SANBR: variants seen among roughly 807,000 people sequenced by gnomAD.
The protein encoded by SANBR is SANT and BTB domain regulator of CSR.
In SANBR, 77 loss-of-function variants were observed where a neutral mutation model predicts 101.8. The observed-to-expected ratio is 0.76, with a 90% CI of 0.63 to 0.91. The LOEUF (loss-of-function observed/expected upper bound fraction) is 0.91. Among genes scored for constraint, SANBR ranks in the 40% least tolerant of loss-of-function variants. The probability of loss-of-function intolerance (pLI) is 0.00; values close to 1 mark genes in which losing one functional copy is unlikely to be tolerated. For synonymous variants in SANBR, 279 were observed against 274.7 expected, an observed-to-expected ratio of 1.02 and a Z score of -0.15; for missense variants, 875 against 853.0, an observed-to-expected ratio of 1.03 and a Z score of -0.32.
chr2:61,124,061 T>C lies in SANBR; in HGVS notation c.*1899T>C. On this transcript the variant is annotated 3_prime_UTR_variant, in exon 22 of 22. Transcript: ENST00000402291. ...GTGAGCTGAGATCATGTTTCTGCGC[T>C]CCTAGCCTGGGTGACAGAGCAAGAC... 1.6e-5 allele frequency: 12 copies of C among 763,888 alleles called. No homozygotes were observed. The highest frequency in any genetic ancestry group is 1.9e-5 in the Non-Finnish European group (12 of 627,956). The allele number at this position is 763,888 out of a possible 1,614,324, so 47.3% of individuals were successfully genotyped here. A position where few individuals can be genotyped will look rare whatever the true frequency, so the allele number is the denominator to read the frequency against.
intron 6 of SANBR, among the ~76,000 whole-genome samples, chr2:61,079,326 T>G (rs1681963176): frequency 6.6e-6 from 1 of 152,184 alleles, no homozygotes; most frequent in Non-Finnish European, 1.5e-5. Context: ...AATTACTGAG[T>G]AATATTTCAA....
At chr2:61,109,431 C>T in intron 16 of SANBR, 135 bp downstream of exon 16, 1 of 455,052 alleles carries the variant, frequency 2.2e-6, no homozygotes, top group Non-Finnish European at 4.0e-6. Flanking sequence ...TGAAAGGAGA[C>T]ACCATCAAGA....
intron 20 of SANBR, among the ~76,000 whole-genome samples, chr2:61,119,069 G>A (rs960928638): frequency 2.0e-5 from 3 of 152,154 alleles, no homozygotes; most frequent in African/African-American, 7.2e-5. Context: ...CTGTCTGAAA[G>A]TACCAATTTT....
At position 61,097,819 on chromosome 2, in the gene SANBR, G is replaced by A; in HGVS notation, c.1332G>A (p.Lys444=). 1 of 1,613,054 alleles carries A rather than the reference G, an allele frequency of 6.2e-7. No individual in the cohort carries two copies. The change falls in exon 12 of 22, where the codon AAG becomes AAA. Residue 444 remains lysine, a synonymous_variant. Coordinates refer to ENST00000402291, the MANE Select transcript of SANBR (RefSeq NM_001129993.3). ...GAATTTATCCCTGCTGTAACCAAAAGGTTCTTCGGTTTGATCCTACTCAGC... is the reference window on the plus strand; with the variant it reads ...GAATTTATCCCTGCTGTAACCAAAAAGTTCTTCGGTTTGATCCTACTCAGC... ...GTGIYPCCNQ[K]VLRFDPTQLT...
intron 20 of SANBR, among the ~76,000 whole-genome samples, chr2:61,132,976 G>A (rs566228639): frequency 2.0e-5 from 3 of 152,312 alleles, no homozygotes; most frequent in African/African-American, 4.8e-5. Context: ...GACTGGCCAG[G>A]TGCAGTGGCT....
chr2:61,079,032 C>T (rs1681946053), intron 6 of SANBR, among the ~76,000 whole-genome samples: 1 of 150,708 alleles, frequency 6.6e-6, no homozygotes, highest in African/African-American at 2.4e-5. Flanking sequence ...GAGTGAGACC[C>T]TTTCTAAAAA....
At position 61,076,184 on chromosome 2, in the gene SANBR, G is replaced by A. The variant is rs956019996; in HGVS notation, c.432-736G>A. 4.6e-5 allele frequency among the ~76,000 whole-genome samples: 7 copies of A among 151,050 alleles called. No individual in the cohort carries two copies. In the South Asian group the frequency reaches 8.4e-4, roughly 18 times the overall value. ...AATTTTTTGTATTTTCAGTAGAGAC[G>A]GGGTTTCACCATGTTAGCCAAGATG... On this transcript the variant is annotated intron_variant, in intron 5 of 21. Transcript: ENST00000402291.
chr2:61,090,165 T>C (rs898578409), intron 10 of SANBR, among the ~76,000 whole-genome samples: 1 of 152,162 alleles, frequency 6.6e-6, no homozygotes, highest in African/African-American at 2.4e-5. Flanking sequence ...AGTACATAGA[T>C]ACATAAAAGT....
intron 11 of SANBR, among the ~76,000 whole-genome samples, chr2:61,095,639 C>T (rs934032225): frequency 3.9e-5 from 6 of 152,138 alleles, no homozygotes; most frequent in Non-Finnish European, 5.9e-5. Flanking sequence ...AACCTGTTCT[C>T]GCTCAGAGTC....
In SANBR at chr2:61,096,175, T is replaced by C. The variant is rs142211907; in HGVS notation, c.1213-1525T>C. Among the ~76,000 whole-genome samples the C allele has an allele frequency of 2.3e-3, 348 of 152,246 alleles. 3 individuals carry two copies. Among genetic ancestry groups the C allele is most frequent in the African/African-American group, 8.0e-3 (333 of 41,548 alleles). ...CCACTTCCTTCCTTTCTAGATAAAA[T>C]GGTTTTACCTTCTCAAGATCTCCTG... On this transcript the variant is annotated intron_variant, in intron 11 of 21. Transcript: ENST00000402291.
At chr2:61,077,455 A>G (rs1420898238) in intron 6 of SANBR, among the ~76,000 whole-genome samples, 1 of 152,162 alleles carries the variant, frequency 6.6e-6, no homozygotes, top group Non-Finnish European at 1.5e-5. Context: ...TAATACCAAG[A>G]TGTCACTTGA....
At chr2:61,126,153 A>G (rs1280351313), downstream of SANBR, among the ~76,000 whole-genome samples, 1 of 152,214 alleles carries the variant, frequency 6.6e-6, no homozygotes, top group African/African-American at 2.4e-5. Flanking sequence ...CTCCCTGCTT[A>G]TTCAAACCCA....
chr2:61,082,368 T>C (rs1284214726), intron 7 of SANBR, among the ~76,000 whole-genome samples: 2 of 152,078 alleles, frequency 1.3e-5, no homozygotes, highest in Non-Finnish European at 1.5e-5. Flanking sequence ...TATCCTCTCT[T>C]TACTTTTAAA....
intron 1 of SANBR, among the ~76,000 whole-genome samples, chr2:61,067,639 G>A (rs916797736): frequency 6.6e-6 from 1 of 152,186 alleles, no homozygotes; most frequent in South Asian, 2.1e-4. Flanking sequence ...GGGAGGCTGA[G>A]GCAGGAGAAT....
chr2:61,107,930 A>G (rs552923618), intron 14 of SANBR, among the ~76,000 whole-genome samples: 1 of 152,254 alleles, frequency 6.6e-6, no homozygotes, highest in Non-Finnish European at 1.5e-5. Context: ...TATTAATTAT[A>G]TGTCAAACAA....
exon 22 of SANBR, chr2:61,137,620 T>C (rs1979045): frequency 0.013 from 1,914 of 152,360 alleles, 19 homozygotes; most frequent in Middle Eastern, 0.017. Context: ...TTATTCAGTA[T>C]TTCAAGTAGA....
At chr2:61,079,936 G>T (rs909275580) in intron 6 of SANBR, among the ~76,000 whole-genome samples, 6 of 151,178 alleles carry the variant, frequency 4.0e-5, no homozygotes, top group African/African-American at 1.2e-4. Context: ...TCTGGCTCAC[G>T]CCTGTAATCC....
rs1247987528 is a variant in SANBR, at chr2:61,066,044, G to C, written c.-147+17G>C. The C allele has an allele frequency of 6.6e-6, 1 of 152,084 alleles. No homozygotes were observed. Among genetic ancestry groups the C allele is most frequent in the African/African-American group, 2.4e-5 (1 of 41,414 alleles). 9.4% of individuals were successfully genotyped at this position (152,084 alleles called of 1,614,324 possible). Reference sequence around the variant, plus strand: ...CCTGTGGAGGTGAGCGAGACGCCGAGGGGGCTCGGGTGCCCACCGCGGGGC... The same window carrying C: ...CCTGTGGAGGTGAGCGAGACGCCGACGGGGCTCGGGTGCCCACCGCGGGGC... On this transcript the variant is annotated intron_variant, in intron 1 of 21. Transcript: ENST00000402291.
Position 61,081,522 on chromosome 2 carries a change from CT to C in SANBR, c.729+14del. 6.5e-7 allele frequency: 1 copy of C among 1,527,388 alleles called. No individual in the cohort carries two copies. Among genetic ancestry groups the C allele is most frequent in the Non-Finnish European group, 8.7e-7 (1 of 1,144,764 alleles). 94.6% of individuals were successfully genotyped at this position (1,527,388 alleles called of 1,614,324 possible). ...AAATGGATTCACTAGTAAGTATTGA[CT>C]TAAAAAAAATCAAAGTGCTTCTGTT... is the stretch of plus-strand genomic sequence containing the variant. On this transcript the variant is annotated intron_variant, in intron 7 of 21. Transcript: ENST00000402291.
Sources: gnomAD v4.1 joint callset for allele counts (sites outside exome capture counted in the v4.1 genomes callset) on GRCh38, gnomAD v4.1.1 for gene constraint, MANE v1.5 for transcripts, NCBI Gene and HGNC (gene_info 2026-07-23, HGNC 2026-07-21) for gene names.